Variants in SGMS1 observed in about 807,000 individuals in gnomAD.
SGMS1 encodes the protein phosphatidylcholine:ceramide cholinephosphotransferase 1.
A neutral mutation model predicts 46.2 loss-of-function variants in SGMS1; 13 were observed. The observed-to-expected ratio is 0.28, with a 90% CI of 0.18 to 0.45. The LOEUF is 0.45. Among genes scored for constraint, SGMS1 ranks in the 20% least tolerant of loss-of-function variants. SGMS1 has a pLI of 1.00. For missense variants in SGMS1, 324 were observed against 519.9 expected, an observed-to-expected ratio of 0.62 and a Z score of 3.66; for synonymous variants, 203 against 187.8, an observed-to-expected ratio of 1.08 and a Z score of -0.66.
intron 2 of SGMS1, among the ~76,000 whole-genome samples, chr10:50,563,866 C>A (rs1048433319): frequency 6.6e-6 from 1 of 151,758 alleles, no homozygotes; most frequent in Non-Finnish European, 1.5e-5. Context: ...ATTACACTTG[C>A]GTGTGCTATG....
intron 7 of SGMS1, chr10:50,341,217 C>A: frequency 2.5e-6 from 1 of 399,216 alleles, no homozygotes; most frequent in Admixed American, 2.9e-5. Flanking sequence ...AGATTTTAAC[C>A]TTCTCTATGA....
chr10:50,481,277 G>C (rs1241201188), intron 3 of SGMS1, among the ~76,000 whole-genome samples: 1 of 152,216 alleles, frequency 6.6e-6, no homozygotes. Context: ...ATACAGGAGT[G>C]TTCCAGCTGG....
intron 2 of SGMS1, among the ~76,000 whole-genome samples, chr10:50,546,506 A>G (rs969577427): frequency 6.6e-6 from 1 of 152,246 alleles, no homozygotes; most frequent in Non-Finnish European, 1.5e-5. Context: ...GATTAAGAAA[A>G]TGTGGCACAT....
At chr10:50,341,525 G>A in intron 7 of SGMS1, 1 of 442,824 alleles carries the variant, frequency 2.3e-6, no homozygotes, top group African/African-American at 2.0e-5. Flanking sequence ...AATATAATTG[G>A]CCCATCCAAT....
chr10:50,572,126 T>C (rs1485225558), intron 2 of SGMS1, among the ~76,000 whole-genome samples: 2 of 152,180 alleles, frequency 1.3e-5, no homozygotes, highest in Non-Finnish European at 2.9e-5. Flanking sequence ...CTGTGTTGTG[T>C]AAGTCCAGGA....
At chr10:50,589,296 C>G (rs1329919614) in intron 2 of SGMS1, among the ~76,000 whole-genome samples, 1 of 152,148 alleles carries the variant, frequency 6.6e-6, no homozygotes, top group African/African-American at 2.4e-5. Flanking sequence ...CTGGGACTCA[C>G]TGTCGCCCAG....
At chr10:50,497,332 A>G (rs1837623472) in intron 3 of SGMS1, among the ~76,000 whole-genome samples, 1 of 152,250 alleles carries the variant, frequency 6.6e-6, no homozygotes, top group Admixed American at 6.5e-5. Context: ...AGAAATGTTG[A>G]GGACTCATCT....
At chr10:50,399,732 G>A (rs72801754) in intron 6 of SGMS1, among the ~76,000 whole-genome samples, 29,012 of 152,064 alleles carry the variant, frequency 0.19, 2,978 homozygotes, top group Admixed American at 0.24. Flanking sequence ...CTTCCCATCA[G>A]AGTTCAAGGA....
intron 5 of SGMS1, among the ~76,000 whole-genome samples, chr10:50,436,213 T>G (rs1371434655): frequency 6.6e-6 from 1 of 152,172 alleles, no homozygotes; most frequent in East Asian, 1.9e-4. Context: ...CACACCATTC[T>G]CCTGCCTCAA....
intron 5 of SGMS1, among the ~76,000 whole-genome samples, chr10:50,446,118 T>C (rs1042155170): frequency 6.6e-6 from 1 of 152,262 alleles, no homozygotes; most frequent in Non-Finnish European, 1.5e-5. Context: ...TCAATGACAA[T>C]GCGTGCCCGA....
intron 1 of SGMS1, among the ~76,000 whole-genome samples, chr10:50,603,589 C>T (rs985781019): frequency 6.6e-5 from 10 of 152,168 alleles, no homozygotes; most frequent in East Asian, 1.9e-4. Context: ...TATCAAAAAC[C>T]GTACCTCCAA....
intron 6 of SGMS1, among the ~76,000 whole-genome samples, chr10:50,365,421 A>C (rs1049138150): frequency 2.0e-5 from 3 of 152,018 alleles, no homozygotes; most frequent in African/African-American, 7.2e-5. Context: ...AGTTTTTTTT[A>C]AAATTTTATT....
chr10:50,476,347 G>C (rs74998492), intron 3 of SGMS1, among the ~76,000 whole-genome samples: 29,666 of 147,822 alleles, frequency 0.2, 3,343 homozygotes, highest in Non-Finnish European at 0.25. Context: ...GGAAGGGAAG[G>C]GAACTGTTAT....
rs943439970 is a variant in SGMS1 at position 50,306,381 on chromosome 10, T to G, written c.*761A>C. 1.3e-5 allele frequency: 2 copies of G among 152,650 alleles called. No individual in the cohort carries two copies. Among genetic ancestry groups the G allele is most frequent in the African/African-American group, 4.8e-5 (2 of 41,454 alleles). 9.5% of individuals were successfully genotyped at this position (152,650 alleles called of 1,614,324 possible). ...TTAAGATTGCCTACTGACCATACAA[T>G]CAAGACAAGAAAGGCACTAGAAACA... is the stretch of plus-strand genomic sequence containing the variant. On this transcript the variant is annotated 3_prime_UTR_variant, in exon 11 of 11. Coordinates refer to ENST00000361781, the MANE Select transcript of SGMS1 (RefSeq NM_147156.4).
intron 6 of SGMS1, among the ~76,000 whole-genome samples, chr10:50,358,063 T>G (rs1004722963): frequency 6.6e-6 from 1 of 152,192 alleles, no homozygotes; most frequent in African/African-American, 2.4e-5. Context: ...GAGAATCTCT[T>G]GAGGCCAGGA....
intron 2 of SGMS1, among the ~76,000 whole-genome samples, chr10:50,587,647 G>A (rs1003559566): frequency 6.0e-5 from 9 of 150,680 alleles, no homozygotes; most frequent in Non-Finnish European, 4.4e-5. Flanking sequence ...GTGTGTGTGT[G>A]TGTGTGTGTG....
At chr10:50,329,927 T>C (rs1440976632) in intron 7 of SGMS1, among the ~76,000 whole-genome samples, 1 of 152,200 alleles carries the variant, frequency 6.6e-6, no homozygotes, top group Non-Finnish European at 1.5e-5. Context: ...TATTACTTTT[T>C]CTGAGAGAAA....
At chr10:50,440,271 A>T (rs1849525631) in intron 5 of SGMS1, among the ~76,000 whole-genome samples, 1 of 149,126 alleles carries the variant, frequency 6.7e-6, no homozygotes, top group Non-Finnish European at 1.5e-5. Flanking sequence ...AACCCAAATT[A>T]AAAAATATAT....
chr10:50,334,956 G>GA (rs1847691715), intron 7 of SGMS1: 1 of 152,272 alleles, frequency 6.6e-6, no homozygotes, highest in Non-Finnish European at 1.5e-5. Context: ...ATCTGTGGGA[G>GA]AAAATTCCAG....
Sources: gnomAD v4.1 joint callset for allele counts (sites outside exome capture counted in the v4.1 genomes callset) on GRCh38, gnomAD v4.1.1 for gene constraint, MANE v1.5 for transcripts, NCBI Gene and HGNC (gene_info 2026-07-23, HGNC 2026-07-21) for gene names.